PDE4D: variants seen among roughly 807,000 people sequenced by gnomAD.
The protein encoded by PDE4D is phosphodiesterase 4D.
Under a neutral mutation model 87.4 loss-of-function variants are expected in PDE4D, and 24 were observed. That is an observed-to-expected ratio of 0.27 (90% confidence interval 0.20 to 0.39). The LOEUF (loss-of-function observed/expected upper bound fraction) is 0.39, where lower values mean the gene tolerates loss of function less well. PDE4D is among the 10% of genes least tolerant of loss of function. The pLI, the probability that PDE4D is intolerant of heterozygous loss-of-function variation, is 1.00. For missense variants in PDE4D, 714 were observed against 1,041.0 expected, an observed-to-expected ratio of 0.69 and a Z score of 4.32; for synonymous variants, 384 against 383.2, an observed-to-expected ratio of 1.00 and a Z score of -0.02.
intron 2 of PDE4D, among the ~76,000 whole-genome samples, chr5:60,049,919 G>A (rs1352375385): frequency 1.3e-5 from 2 of 152,210 alleles, no homozygotes; most frequent in African/African-American, 4.8e-5. Context: ...TGGCTGCTTT[G>A]TTTACGTAAG....
At chr5:60,269,666 T>C (rs1333420478) in intron 1 of PDE4D, among the ~76,000 whole-genome samples, 7 of 152,210 alleles carry the variant, frequency 4.6e-5, no homozygotes, top group South Asian at 4.1e-4. Context: ...ATAAAATGTA[T>C]TGGACACTTA....
At chr5:59,345,469 C>G (rs551352106) in intron 1 of PDE4D, among the ~76,000 whole-genome samples, 1 of 152,222 alleles carries the variant, frequency 6.6e-6, no homozygotes, top group South Asian at 2.1e-4. Context: ...ATGGATCAAA[C>G]AGGGAAAACT....
intron 1 of PDE4D, among the ~76,000 whole-genome samples, chr5:59,804,894 C>T (rs774632003): frequency 6.6e-6 from 1 of 152,126 alleles, no homozygotes; most frequent in African/African-American, 2.4e-5. Flanking sequence ...CAGGTTCAAG[C>T]GATTCTCCCA....
At chr5:60,404,161 C>CTTTTTTT (rs35780128) in intron 1 of PDE4D, among the ~76,000 whole-genome samples, 5 of 119,388 alleles carry the variant, frequency 4.2e-5, no homozygotes, top group Non-Finnish European at 8.5e-5. Flanking sequence ...TCAGCCAATT[C>CTTTTTTT]TTTTTTTTTT....
intron 1 of PDE4D, among the ~76,000 whole-genome samples, chr5:59,867,439 A>C (rs964629537): frequency 6.6e-6 from 1 of 152,210 alleles, no homozygotes; most frequent in Non-Finnish European, 1.5e-5. Flanking sequence ...AAATTTTATA[A>C]TGCAATCTAT....
intron 5 of PDE4D, among the ~76,000 whole-genome samples, chr5:59,078,276 G>T (rs887710995): frequency 6.6e-6 from 1 of 152,070 alleles, no homozygotes; most frequent in East Asian, 1.9e-4. Context: ...AGATTTATAC[G>T]TACTAAAATA....
At chr5:59,986,080 C>A (rs915103289) in intron 3 of PDE4D, among the ~76,000 whole-genome samples, 1 of 152,204 alleles carries the variant, frequency 6.6e-6, no homozygotes, top group Non-Finnish European at 1.5e-5. Context: ...GCAATACATT[C>A]TCTCTCTGAC....
At chr5:59,920,708 T>G (rs911791499) in intron 3 of PDE4D, among the ~76,000 whole-genome samples, 1 of 152,090 alleles carries the variant, frequency 6.6e-6, no homozygotes, top group African/African-American at 2.4e-5. Context: ...AATAACTTTG[T>G]AGGGACACGG....
At chr5:59,686,150 T>C (rs1177165286) in intron 1 of PDE4D, among the ~76,000 whole-genome samples, 1 of 152,122 alleles carries the variant, frequency 6.6e-6, no homozygotes, top group Non-Finnish European at 1.5e-5. Flanking sequence ...TAGGTATTTG[T>C]TCAATAAATA....
chr5:59,997,667 C>G (rs887535216), intron 2 of PDE4D, among the ~76,000 whole-genome samples: 4 of 152,038 alleles, frequency 2.6e-5, no homozygotes, highest in African/African-American at 9.7e-5. Flanking sequence ...CAGATAACTA[C>G]AAAATATCCC....
At chr5:60,209,186 T>A (rs75476884) in intron 1 of PDE4D, among the ~76,000 whole-genome samples, 1 of 136,302 alleles carries the variant, frequency 7.3e-6, no homozygotes, top group Non-Finnish European at 1.6e-5. Flanking sequence ...TTTCTTTTTT[T>A]CTTTTTTTTT....
chr5:60,428,668 C>T (rs1043436651), intron 1 of PDE4D, among the ~76,000 whole-genome samples: 2 of 152,142 alleles, frequency 1.3e-5, no homozygotes, highest in African/African-American at 4.8e-5. Context: ...TTACTTCTCA[C>T]GATGATATAA....
At chr5:59,155,564 T>C (rs982974791) in intron 5 of PDE4D, among the ~76,000 whole-genome samples, 1 of 152,182 alleles carries the variant, frequency 6.6e-6, no homozygotes, top group East Asian at 1.9e-4. Flanking sequence ...GATCAAGAAC[T>C]AGCTAAAGGA....
At chr5:60,463,370 A>G (rs1747109472) in intron 1 of PDE4D, among the ~76,000 whole-genome samples, 1 of 152,152 alleles carries the variant, frequency 6.6e-6, no homozygotes, top group Non-Finnish European at 1.5e-5. Flanking sequence ...ACACAGACAC[A>G]CACAGACACA....
At chr5:59,208,862 T>C (rs1749434731) in intron 2 of PDE4D, among the ~76,000 whole-genome samples, 1 of 152,206 alleles carries the variant, frequency 6.6e-6, no homozygotes, top group Non-Finnish European at 1.5e-5. Flanking sequence ...TAGTAGCAGA[T>C]GACCTTAGCA....
At chr5:60,042,581 A>C (rs1269986795) in intron 2 of PDE4D, among the ~76,000 whole-genome samples, 1 of 152,188 alleles carries the variant, frequency 6.6e-6, no homozygotes, top group Non-Finnish European at 1.5e-5. Flanking sequence ...CCTCTGGGAA[A>C]AACCTTCCAG....
At chr5:59,758,395 A>G (rs1761548835) in intron 1 of PDE4D, among the ~76,000 whole-genome samples, 1 of 152,186 alleles carries the variant, frequency 6.6e-6, no homozygotes, top group African/African-American at 2.4e-5. Context: ...AAGTGTTTTT[A>G]TTCCAAAATG....
chr5:59,940,121 C>G (rs931055214), intron 3 of PDE4D, among the ~76,000 whole-genome samples: 1 of 152,052 alleles, frequency 6.6e-6, no homozygotes, highest in Non-Finnish European at 1.5e-5. Context: ...ACTAGAGAAC[C>G]CCCGCACTTG....
chr5:59,682,341 T>A (rs1749164437), intron 1 of PDE4D, among the ~76,000 whole-genome samples: 1 of 152,152 alleles, frequency 6.6e-6, no homozygotes, highest in African/African-American at 2.4e-5. Flanking sequence ...GCTAAATTTG[T>A]CAGTAATGGT....
Sources: gnomAD v4.1 joint callset for allele counts (sites outside exome capture counted in the v4.1 genomes callset) on GRCh38, gnomAD v4.1.1 for gene constraint, MANE v1.5 for transcripts, NCBI Gene and HGNC (gene_info 2026-07-23, HGNC 2026-07-21) for gene names.